Variants in PLK1 observed in about 807,000 individuals in gnomAD.
The protein encoded by PLK1 is serine/threonine-protein kinase PLK1.
A neutral mutation model predicts 56.7 loss-of-function variants in PLK1; 6 were observed. The ratio of observed to expected loss-of-function variants is 0.11; its 90% CI spans 0.06 to 0.21. PLK1 has a LOEUF of 0.21. PLK1 is among the 10% of genes least tolerant of loss of function. The probability of loss-of-function intolerance (pLI) is 1.00; values close to 1 mark genes in which losing one functional copy is unlikely to be tolerated. For synonymous variants in PLK1, 298 were observed against 325.0 expected (o/e 0.92, Z 0.89); for missense variants, 546 against 814.4 (o/e 0.67, Z 4.01).
intron 5 of PLK1, among the ~76,000 whole-genome samples, chr16:23,685,699 CTCTG>C (rs1163061738): frequency 1.3e-5 from 2 of 149,894 alleles, no homozygotes; most frequent in African/African-American, 5.0e-5. Flanking sequence ...CAGAGCGAGA[CTCTG>C]TCTCAAAAAA....
At position 23,684,031 on chromosome 16, in the gene PLK1, G is replaced by C; in HGVS notation, c.978G>C (p.Ser326=). The C allele has an allele frequency of 6.2e-7, 1 of 1,614,068 alleles. No homozygotes were observed. Among genetic ancestry groups the C allele is most frequent in the Non-Finnish European group, 8.5e-7 (1 of 1,180,028 alleles). ...ITCLTIPPRF[S]IAPSSLDPSN... ...GCCTGACCATTCCACCAAGGTTTTCGATTGCTCCCAGCAGCCTGGACCCCA... is the reference window on the plus strand; with the variant it reads ...GCCTGACCATTCCACCAAGGTTTTCCATTGCTCCCAGCAGCCTGGACCCCA... Residue 326 remains serine, a synonymous_variant, in exon 5 of 10, where the codon TCG becomes TCC. Transcript: ENST00000300093.
In PLK1 at chr16:23,680,921, T is replaced by G. The variant is rs375744773; in HGVS notation, c.585T>G (p.Phe195Leu). ...NEDLEVKIGD[F>L]GLATKVEYDG... Reference sequence around the variant, plus strand: ...TTCCTCCCTCTGTCCCAGGGGATTTTGGACTGGCAACCAAAGTCGAATATG... The same window carrying G: ...TTCCTCCCTCTGTCCCAGGGGATTTGGGACTGGCAACCAAAGTCGAATATG... The change falls in exon 3 of 10, where the codon TTT becomes TTG. Residue 195 changes from phenylalanine (F) to leucine (L), a missense_variant. Physicochemically the swap from Phe to Leu is conservative, Grantham distance 22. Around this residue, in one of 7 missense-constraint regions of PLK1, gnomAD observed 111 missense variants for 211.8 expected, o/e 0.52. Transcript: ENST00000300093. 1.9e-6 allele frequency: 3 copies of G among 1,610,116 alleles called. No individual in the cohort carries two copies. The highest frequency in any genetic ancestry group is 1.7e-6 in the Non-Finnish European group (2 of 1,178,770).
intron 1 of PLK1, chr16:23,679,647 A>C: frequency 3.1e-6 from 1 of 325,510 alleles, no homozygotes; most frequent in Non-Finnish European, 5.7e-6. Context: ...GCCCTGGAGT[A>C]CCCAGGGAGG....
At position 23,689,381 on chromosome 16, in the gene PLK1, T is replaced by C; in HGVS notation, c.1414T>C (p.Leu472=). 6.2e-7 allele frequency: 1 copy of C among 1,609,666 alleles called. No individual in the cohort carries two copies. The highest frequency in any genetic ancestry group is 8.5e-7 in the Non-Finnish European group (1 of 1,176,168). The change falls in exon 8 of 10, where the codon TTG becomes CTG. Residue 472 remains leucine, a synonymous_variant. Transcript: ENST00000300093. The surrounding 1 kb of genome is among the most constrained non-coding windows in gnomAD (Gnocchi z 4.8). ...CACCGTGAGTTCCCATCCCAACTCC[T>C]TGATGAAGAAGGTGAGTGCCGTCCG... ...YLTVSSHPNS[L]MKKITLLKYF... is the part of the protein sequence containing the mutation.
intron 5 of PLK1, among the ~76,000 whole-genome samples, chr16:23,685,128 G>A (rs568731126): frequency 9.9e-5 from 15 of 151,564 alleles, no homozygotes; most frequent in African/African-American, 3.6e-4. Context: ...CCAATTTGAT[G>A]TACAACTTCA....
At chr16:23,687,165 T>G in intron 5 of PLK1, 1 of 205,256 alleles carries the variant, frequency 4.9e-6, no homozygotes, top group Non-Finnish European at 9.7e-6. Context: ...ATGCTTTCCA[T>G]TCTTTGCTCA....
chr16:23,689,983 A>G lies in PLK1; in HGVS notation c.1732A>G (p.Ser578Gly). 3 of 1,613,830 alleles carry G rather than the reference A, an allele frequency of 1.9e-6. No homozygotes were observed. Among genetic ancestry groups the G allele is most frequent in the Non-Finnish European group, 2.5e-6 (3 of 1,179,958 alleles). Residue 578 changes from serine to glycine, a missense_variant, in exon 10 of 10, where the codon AGC (serine) becomes GGC (glycine). Coordinates refer to ENST00000300093, the MANE Select transcript of PLK1 (RefSeq NM_005030.6). This position sits in a 1 kb window ranked among gnomAD's most constrained non-coding sequence, Gnocchi z 4.8. ...EEYGCCKELASRLRYARTMVD... is the reference protein window; with the variant it reads ...EEYGCCKELAGRLRYARTMVD... ...GTACGGCTGCTGCAAGGAGCTGGCC[A>G]GCCGGCTCCGCTACGCCCGCACTAT... is the stretch of plus-strand genomic sequence containing the variant.
In PLK1 at chr16:23,690,266, C is replaced by T. The variant is rs1414313132; in HGVS notation, c.*203C>T. On this transcript the variant is annotated 3_prime_UTR_variant, in exon 10 of 10. Coordinates refer to ENST00000300093, the MANE Select transcript of PLK1 (RefSeq NM_005030.6). ...GGTGTGGGTTCTACAGCCTTGTCCC[C>T]CTCCCCCTCAACCCCACCATATGAA... The T allele has an allele frequency of 1.7e-6, 1 of 600,882 alleles. No individual in the cohort carries two copies. Among genetic ancestry groups the T allele is most frequent in the Admixed American group, 2.9e-5 (1 of 34,346 alleles). The allele number at this position is 600,882 out of a possible 1,614,324, so 37.2% of individuals were successfully genotyped here.
chr16:23,682,193 T>C, intron 4 of PLK1, 36 bp downstream of exon 4: 8 of 1,205,528 alleles, frequency 6.6e-6, no homozygotes, highest in Non-Finnish European at 9.9e-6. Context: ...ATTTATTTTG[T>C]TTTCCCCAGA....
intron 2 of PLK1, among the ~76,000 whole-genome samples, 166 bp downstream of exon 2, chr16:23,680,418 TTTG>T (rs1336755310): frequency 6.6e-6 from 1 of 152,210 alleles, no homozygotes; most frequent in Non-Finnish European, 1.5e-5. Flanking sequence ...AGAATTTGAA[TTTG>T]TTTTTATTTT....
chr16:23,683,208 G>A (rs1393596323), intron 4 of PLK1, among the ~76,000 whole-genome samples: 1 of 151,656 alleles, frequency 6.6e-6, no homozygotes, highest in Non-Finnish European at 1.5e-5. Flanking sequence ...TAGCCAGGAT[G>A]GTCTCGATCT....
intron 6 of PLK1, among the ~76,000 whole-genome samples, chr16:23,688,374 A>C (rs1026030819): frequency 1.3e-5 from 2 of 152,244 alleles, no homozygotes; most frequent in Non-Finnish European, 2.9e-5. Context: ...CTGAACCTGC[A>C]ACAGTGCCTG....
intron 3 of PLK1, 37 bp from the exon 4 acceptor site, chr16:23,682,027 T>G: frequency 9.3e-7 from 1 of 1,071,404 alleles, no homozygotes; most frequent in Non-Finnish European, 1.5e-6. Context: ...GGGTTGTGGC[T>G]GGGAGACTGG....
rs772755705 is a variant in PLK1 at position 23,689,850 on chromosome 16, T to A, written c.1609-10T>A. The stretch of plus-strand genomic sequence containing the variant: ...TGGGATCGCCAACCCCTGCTGCTCT[T>A]CTCTTGCAGGATCACACCAAGCTCA... On this transcript the variant is annotated splice_polypyrimidine_tract_variant and intron_variant, in intron 9 of 9. Transcript: ENST00000300093. This position sits in a 1 kb window ranked among gnomAD's most constrained non-coding sequence, Gnocchi z 4.8. The A allele has an allele frequency of 3.1e-6, 5 of 1,611,794 alleles. No individual in the cohort carries two copies. The East Asian group carries it at 1.1e-4, about 36-fold the overall frequency.
intron 7 of PLK1, 146 bp downstream of exon 7, chr16:23,688,891 G>T (rs151019401): frequency 9.0e-6 from 6 of 667,944 alleles, no homozygotes; most frequent in Non-Finnish European, 1.3e-5. Context: ...CCAGCTCCCA[G>T]TGCTCCCTGA....
chr16:23,688,257 ACCATG>A (rs766142322), intron 6 of PLK1, among the ~76,000 whole-genome samples: 1 of 152,240 alleles, frequency 6.6e-6, no homozygotes, highest in Non-Finnish European at 1.5e-5. Flanking sequence ...TCTGACTCTT[ACCATG>A]ATAGAAGTCA....
rs572096552 is a variant in PLK1, at chr16:23,689,439, C to T, written c.1425+47C>T. The T allele has an allele frequency of 6.2e-7, 1 of 1,600,136 alleles. No individual in the cohort carries two copies. The highest frequency in any genetic ancestry group is 8.6e-7 in the Non-Finnish European group (1 of 1,168,294). ...GGGGGTGGTGTTGCAGAAGTGGGAC[C>T]TGTGCTGGAGGATCAGACTCTAATT... On this transcript the variant is annotated intron_variant, in intron 8 of 9. Coordinates refer to ENST00000300093, the MANE Select transcript of PLK1 (RefSeq NM_005030.6). This position sits in a 1 kb window ranked among gnomAD's most constrained non-coding sequence, Gnocchi z 4.8.
chr16:23,683,193 C>T (rs1424813699), intron 4 of PLK1, among the ~76,000 whole-genome samples: 3 of 151,790 alleles, frequency 2.0e-5, no homozygotes, highest in Admixed American at 6.6e-5. Flanking sequence ...AGGGTTTGAC[C>T]GTGTTAGCCA....
chr16:23,684,892 TC>T (rs1340933589), intron 5 of PLK1, among the ~76,000 whole-genome samples: 1 of 142,014 alleles, frequency 7.0e-6, no homozygotes, highest in Non-Finnish European at 1.5e-5. Context: ...TCTCCTGACC[TC>T]GTGATCCGCC....
Sources: allele counts gnomAD v4.1 joint callset (sites outside exome capture counted in the v4.1 genomes callset), GRCh38; gene constraint gnomAD v4.1.1; regional missense constraint gnomAD v4.1.1; non-coding constraint Gnocchi (gnomAD v3.1); transcripts MANE v1.5; gene names NCBI Gene and HGNC (gene_info 2026-07-23, HGNC 2026-07-21).